The following SYCP1 variants were observed in gnomAD, a reference collection of about 807,000 sequenced individuals.
SYCP1 encodes the protein synaptonemal complex protein 1.
Under a neutral mutation model 153.1 loss-of-function variants are expected in SYCP1, and 64 were observed. That is an observed-to-expected ratio of 0.42 (90% CI 0.34 to 0.51). The LOEUF (loss-of-function observed/expected upper bound fraction) is 0.51. SYCP1 is among the 20% of genes least tolerant of loss of function. The pLI, the probability that SYCP1 is intolerant of heterozygous loss-of-function variation, is 0.06. For synonymous variants in SYCP1, 384 were observed against 341.8 expected, an observed-to-expected ratio of 1.12 and a Z score of -1.36; for missense variants, 997 against 1,049.0, an observed-to-expected ratio of 0.95 and a Z score of 0.68.
At chr1:114,882,752 TC>T (rs369334394) in intron 12 of SYCP1, among the ~76,000 whole-genome samples, 2 of 152,102 alleles carry the variant, frequency 1.3e-5, no homozygotes, top group Non-Finnish European at 2.9e-5. Flanking sequence ...TTGCTTTTTT[TC>T]CCCCCATGCA....
Position 114,947,259 on chromosome 1 carries a change from C to T in SYCP1, c.2261C>T (p.Ser754Phe), listed in dbSNP as rs1400249491. Residue 754 changes from serine (S) to phenylalanine (F), a missense_variant, in exon 27 of 32, where the codon TCC (serine) becomes TTC (phenylalanine). Ser to Phe is a radical substitution (Grantham distance 155, BLOSUM62 -2). Around this residue, in one of 2 missense-constraint regions of SYCP1, gnomAD observed 712 missense variants for 682.9 expected, o/e 1.04. Transcript: ENST00000369522. ...SLRASLEIEL[S>F]NLKAELLSVK... ...CTTTTTCTTTAGGAGATTGAACTATCCAATCTCAAAGCTGAACTTTTGTCT... is the reference window on the plus strand; with the variant it reads ...CTTTTTCTTTAGGAGATTGAACTATTCAATCTCAAAGCTGAACTTTTGTCT... 2 of 1,611,334 alleles carry T rather than the reference C, an allele frequency of 1.2e-6. No homozygotes were observed. The highest frequency in any genetic ancestry group is 2.2e-5 in the East Asian group (1 of 44,714).
At chr1:114,914,497 G>A (rs887915522) in intron 20 of SYCP1, among the ~76,000 whole-genome samples, 22 of 151,790 alleles carry the variant, frequency 1.4e-4, no homozygotes, top group Non-Finnish European at 2.6e-4. Context: ...GAGTAAATAA[G>A]ACATTAGTTG....
At chr1:114,901,905 A>T (rs1267355445) in intron 16 of SYCP1, among the ~76,000 whole-genome samples, 3 of 152,234 alleles carry the variant, frequency 2.0e-5, no homozygotes, top group Admixed American at 6.5e-5. Context: ...AACTGCTGAC[A>T]GGGTGAAGAG....
At chr1:114,915,076 GA>G (rs1337904022) in intron 20 of SYCP1, among the ~76,000 whole-genome samples, 4 of 137,792 alleles carry the variant, frequency 2.9e-5, no homozygotes, top group South Asian at 2.3e-4. Context: ...AAAGAAAGAA[GA>G]AAAAAAACTA....
rs773104715 is a variant in SYCP1, at chr1:114,959,236, G to A, written c.2322+11916G>A. On this transcript the variant is annotated intron_variant, in intron 27 of 31. Transcript: ENST00000369522. ...TTGAGGTGATCATGTGGGTTTCTCCGTTTATTCCATTAATATTATGTATTA... is the reference window on the plus strand; with the variant it reads ...TTGAGGTGATCATGTGGGTTTCTCCATTTATTCCATTAATATTATGTATTA... 1.2e-4 allele frequency among the ~76,000 whole-genome samples: 18 copies of A among 152,182 alleles called. 1 individual carries two copies. The highest frequency in any genetic ancestry group is 3.9e-4 in the East Asian group (2 of 5,174).
At chr1:114,934,964 T>C (rs565716982) in intron 23 of SYCP1, among the ~76,000 whole-genome samples, 1 of 152,280 alleles carries the variant, frequency 6.6e-6, no homozygotes, top group African/African-American at 2.4e-5. Flanking sequence ...AATGGGAGAC[T>C]TTAACACCCA....
chr1:114,972,333 G>T (rs1014964453), intron 27 of SYCP1, among the ~76,000 whole-genome samples: 1 of 151,412 alleles, frequency 6.6e-6, no homozygotes, highest in Non-Finnish European at 1.5e-5. Context: ...CTGGCTAACG[G>T]TTTGTCATTC....
At chr1:114,935,981 A>G (rs1669974906) in intron 23 of SYCP1, among the ~76,000 whole-genome samples, 1 of 152,060 alleles carries the variant, frequency 6.6e-6, no homozygotes, top group Admixed American at 6.6e-5. Flanking sequence ...GTACAAACAG[A>G]AGCTGGTACC....
At chr1:114,912,123 T>C (rs1668223331) in intron 18 of SYCP1, among the ~76,000 whole-genome samples, 3 of 151,918 alleles carry the variant, frequency 2.0e-5, no homozygotes, top group Non-Finnish European at 4.4e-5. Flanking sequence ...CTAGATTAAA[T>C]ATGAGAAGTA....
At chr1:114,962,636 T>A (rs899560392) in intron 27 of SYCP1, among the ~76,000 whole-genome samples, 3 of 152,186 alleles carry the variant, frequency 2.0e-5, no homozygotes, top group Non-Finnish European at 4.4e-5. Context: ...TCTGTATCTT[T>A]TAAGTGGAGC....
At chr1:114,938,666 G>A (rs1466064213) in intron 23 of SYCP1, among the ~76,000 whole-genome samples, 1 of 151,944 alleles carries the variant, frequency 6.6e-6, no homozygotes, top group Non-Finnish European at 1.5e-5. Flanking sequence ...CATTTGTTTA[G>A]AACTGGTATT....
chr1:114,927,746 C>T (rs1227027388), intron 23 of SYCP1, among the ~76,000 whole-genome samples: 2 of 151,964 alleles, frequency 1.3e-5, no homozygotes, highest in African/African-American at 4.8e-5. Flanking sequence ...CCTCGGTGGC[C>T]TGTAGAACAA....
rs568520068 is a variant in SYCP1 at position 114,975,786 on chromosome 1, G to T, written c.2323-1771G>T. Among the ~76,000 whole-genome samples the T allele has an allele frequency of 5.9e-5, 9 of 151,754 alleles. No homozygotes were observed. In the East Asian group the frequency reaches 1.7e-3, roughly 29 times the overall value. On this transcript the variant is annotated intron_variant, in intron 27 of 31. Transcript: ENST00000369522. ...TTAATTTGATGGGGCCTTAATCTCT[G>T]CCTAGCAATGTGAAATTTGTTTACT...
At chr1:114,910,065 C>A (rs2101666123) in intron 16 of SYCP1, 2 of 160,210 alleles carry the variant, frequency 1.2e-5, no homozygotes, top group Admixed American at 6.5e-5. Context: ...TATTGTGAGG[C>A]CTTTTATAAA....
At chr1:114,855,229 G>C (rs909906720) in intron 1 of SYCP1, 2 of 253,984 alleles carry the variant, frequency 7.9e-6, no homozygotes, top group South Asian at 1.2e-4. Context: ...GGCAGCGGGC[G>C]GTAGGGCGAA....
chr1:114,924,573 C>T (rs1453807353), intron 21 of SYCP1, among the ~76,000 whole-genome samples: 1 of 151,996 alleles, frequency 6.6e-6, no homozygotes, highest in Non-Finnish European at 1.5e-5. Context: ...TAGTGGAGGA[C>T]AGGTGGTGGA....
At chr1:114,904,900 A>G (rs1402857937) in intron 16 of SYCP1, among the ~76,000 whole-genome samples, 1 of 152,200 alleles carries the variant, frequency 6.6e-6, no homozygotes, top group Non-Finnish European at 1.5e-5. Flanking sequence ...TATGAATTGA[A>G]GTTGAATTGT....
At chr1:114,901,053 T>G (rs1667410727) in intron 16 of SYCP1, among the ~76,000 whole-genome samples, 2 of 152,178 alleles carry the variant, frequency 1.3e-5, no homozygotes, top group South Asian at 4.1e-4. Flanking sequence ...TTAAGCCAAT[T>G]AATTAGAGCT....
chr1:114,963,791 G>C (rs1247178645), intron 27 of SYCP1, among the ~76,000 whole-genome samples: 1 of 152,178 alleles, frequency 6.6e-6, no homozygotes, highest in Non-Finnish European at 1.5e-5. Flanking sequence ...CATTTGGGTT[G>C]GTTCCAAGTC....
Sources: allele counts gnomAD v4.1 joint callset (sites outside exome capture counted in the v4.1 genomes callset), GRCh38; gene constraint gnomAD v4.1.1; regional missense constraint gnomAD v4.1.1; transcripts MANE v1.5; gene names NCBI Gene and HGNC (gene_info 2026-07-23, HGNC 2026-07-21).